The following RHOT1 variants were observed in gnomAD, a reference collection of about 807,000 sequenced individuals.
RHOT1 encodes the protein mitochondrial Rho GTPase 1.
RHOT1 carries 27 observed loss-of-function variants against 95.3 expected under a neutral mutation model. The observed-to-expected ratio is 0.28, with a 90% confidence interval of 0.21 to 0.39. The LOEUF (loss-of-function observed/expected upper bound fraction) is 0.39, where lower values mean the gene tolerates loss of function less well. Ranked by LOEUF, RHOT1 falls within the 10% of genes least tolerant of loss-of-function variation. RHOT1 has a pLI of 1.00. For synonymous variants in RHOT1, 227 were observed against 263.5 expected, an observed-to-expected ratio of 0.86 and a Z score of 1.34; for missense variants, 578 against 786.7, an observed-to-expected ratio of 0.73 and a Z score of 3.17.
chr17:32,219,080 AT>A (rs1157431272), intron 19 of RHOT1, among the ~76,000 whole-genome samples: 1 of 152,148 alleles, frequency 6.6e-6, no homozygotes, highest in African/African-American at 2.4e-5. Context: ...TCTTAGTTGT[AT>A]TTTGGAAAGA....
At chr17:32,204,473 C>T (rs1598434954) in intron 16 of RHOT1, among the ~76,000 whole-genome samples, 1 of 149,314 alleles carries the variant, frequency 6.7e-6, no homozygotes. Flanking sequence ...TCGCTTGAAC[C>T]CAGGAGGTGG....
rs1485362280 is a variant in RHOT1, at chr17:32,203,269, C to CTTCTTCTTTT, written c.1332+371_1332+372insCTTCTTTTTT. 1.4e-4 allele frequency among the ~76,000 whole-genome samples: 10 copies of CTTCTTCTTTT among 72,336 alleles called. 1 individual carries two copies. Among genetic ancestry groups the CTTCTTCTTTT allele is most frequent in the Admixed American group, 5.3e-4 (3 of 5,638 alleles). 47.5% of individuals were successfully genotyped at this position (72,336 alleles called of 152,430 possible). A position where few individuals can be genotyped will look rare whatever the true frequency, so the allele number is the denominator to read the frequency against. On this transcript the variant is annotated intron_variant, in intron 15 of 19. Transcript: ENST00000545287. Reference sequence around the variant, plus strand: ...ACATATTTCTTTTCTTCTTCTTCTTCTTTTTTTTTTTTTTTTTTTTTTTTG... The same window carrying CTTCTTCTTTT: ...ACATATTTCTTTTCTTCTTCTTCTTCTTCTTCTTTTTTTTTTTTTTTTTTTTTTTTTTTTG...
chr17:32,182,827 A>G lies in RHOT1; in HGVS notation c.400A>G (p.Ile134Val), dbSNP rs752808849. Residue 134 changes from isoleucine (I) to valine (V), a missense_variant, in exon 7 of 20, where the codon ATT becomes GTT. Physicochemically the swap from Ile to Val is conservative, Grantham distance 29 (BLOSUM62 3). Around this residue, in one of 4 missense-constraint regions of RHOT1, gnomAD observed 227 missense variants for 316.0 expected, o/e 0.72. Coordinates refer to ENST00000545287, the MANE Select transcript of RHOT1 (RefSeq NM_001033566.3). Reference sequence around the variant, plus strand: ...TAGTAGTATGGAGACCATCCTTCCTATTATGAACCAGTATACAGAAATAGA... The same window carrying G: ...TAGTAGTATGGAGACCATCCTTCCTGTTATGAACCAGTATACAGAAATAGA... The part of the protein sequence containing the change: ...EYSSMETILP[I>V]MNQYTEIETC... The G allele has an allele frequency of 1.2e-6, 2 of 1,602,302 alleles. No individual in the cohort carries two copies. The highest frequency in any genetic ancestry group is 1.1e-5 in the South Asian group (1 of 89,764).
At chr17:32,202,573 C>T (rs1036286957) in intron 14 of RHOT1, among the ~76,000 whole-genome samples, 197 bp from the exon 15 acceptor site, 3 of 151,950 alleles carry the variant, frequency 2.0e-5, no homozygotes, top group African/African-American at 7.3e-5. Flanking sequence ...GCATTTTTTC[C>T]ACTAACTGGG....
chr17:32,197,463 C>T (rs891763732), intron 11 of RHOT1, among the ~76,000 whole-genome samples: 3 of 151,294 alleles, frequency 2.0e-5, no homozygotes, highest in Admixed American at 6.6e-5. Flanking sequence ...CTCGCTCTGT[C>T]GCCCAGGCTG....
chr17:32,149,585 G>C (rs1199905759), intron 1 of RHOT1, among the ~76,000 whole-genome samples: 1 of 93,438 alleles, frequency 1.1e-5, no homozygotes, highest in Non-Finnish European at 2.1e-5. Flanking sequence ...CTTGAGCCCA[G>C]CAGTTCTATA....
intron 1 of RHOT1, among the ~76,000 whole-genome samples, chr17:32,146,593 C>G (rs185397279): frequency 0.049 from 7,385 of 149,978 alleles, 233 homozygotes; most frequent in Non-Finnish European, 0.072. Flanking sequence ...CTACAGGTGC[C>G]CACCACCACG....
chr17:32,146,857 G>T (rs2031424273), intron 1 of RHOT1, among the ~76,000 whole-genome samples: 1 of 151,068 alleles, frequency 6.6e-6, no homozygotes, highest in Non-Finnish European at 1.5e-5. Flanking sequence ...CAAGTAGCTG[G>T]GATGACAGGC....
chr17:32,143,712 G>A (rs1390914756), intron 1 of RHOT1, among the ~76,000 whole-genome samples: 6 of 152,152 alleles, frequency 3.9e-5, no homozygotes, highest in African/African-American at 1.4e-4. Context: ...CAGTTGCTAG[G>A]ACTAAAATAA....
chr17:32,193,277 C>A, intron 10 of RHOT1, 33 bp downstream of exon 10: 1 of 1,425,592 alleles, frequency 7.0e-7, no homozygotes, highest in Non-Finnish European at 9.9e-7. Context: ...CCTTTTGAAA[C>A]TTAATATTTT....
chr17:32,203,581 G>A (rs1412748877), intron 15 of RHOT1, among the ~76,000 whole-genome samples: 2 of 152,062 alleles, frequency 1.3e-5, no homozygotes, highest in African/African-American at 4.8e-5. Flanking sequence ...TATTAATCTC[G>A]ATCAGACCAA....
chr17:32,179,809 C>T (rs2035445446), intron 6 of RHOT1: 1 of 147,708 alleles, frequency 6.8e-6, no homozygotes, highest in African/African-American at 2.6e-5. Flanking sequence ...TGGGGAGCGC[C>T]TCTGCCTGGC....
At chr17:32,189,276 G>A (rs550559027) in intron 8 of RHOT1, among the ~76,000 whole-genome samples, 105 of 152,218 alleles carry the variant, frequency 6.9e-4, no homozygotes, top group Middle Eastern at 3.4e-3. Context: ...TCCAGCCTGG[G>A]CGACAGAGCG....
rs551151153 is a variant in RHOT1, at chr17:32,214,894, CTTTTTTTTTTTTTTTT to C, written c.1862+3671_1862+3686del. The stretch of plus-strand genomic sequence containing the variant: ...GAAAGAGCAGTTCTAAAAGGCTTGT[CTTTTTTTTTTTTTTTT>C]TTTTTTTTTTTTTTGAGATGGAGTC... On this transcript the variant is annotated intron_variant, in intron 19 of 19. Coordinates refer to ENST00000545287, the MANE Select transcript of RHOT1 (RefSeq NM_001033566.3). Among the ~76,000 whole-genome samples, 30 of 52,834 alleles carry C rather than the reference CTTTTTTTTTTTTTTTT, an allele frequency of 5.7e-4. No homozygotes were observed. In the East Asian group the frequency reaches 9.1e-3, roughly 16 times the overall value. The allele number at this position is 52,834 out of a possible 152,430, so 34.7% of individuals were successfully genotyped here. A position where few individuals can be genotyped will look rare whatever the true frequency, so the allele number is the denominator to read the frequency against.
At chr17:32,223,171 G>A (rs953733676) in intron 19 of RHOT1, among the ~76,000 whole-genome samples, 2 of 151,914 alleles carry the variant, frequency 1.3e-5, no homozygotes, top group African/African-American at 4.8e-5. Context: ...GGCTTGTGTT[G>A]TAGACTTTTG....
intron 2 of RHOT1, among the ~76,000 whole-genome samples, chr17:32,172,004 G>A (rs1384212087): frequency 6.6e-6 from 1 of 152,196 alleles, no homozygotes; most frequent in Non-Finnish European, 1.5e-5. Context: ...TTAGCATATA[G>A]TTATAGGGAA....
chr17:32,151,178 T>C lies in RHOT1; in HGVS notation c.37+8449T>C, dbSNP rs530334016. 1.3e-5 allele frequency: 10 copies of C among 775,842 alleles called. 1 individual carries two copies. The South Asian group carries it at 1.3e-4, about 10-fold the overall frequency. 48.1% of individuals were successfully genotyped at this position (775,842 alleles called of 1,614,324 possible). On this transcript the variant is annotated intron_variant, in intron 1 of 19. Coordinates refer to ENST00000545287, the MANE Select transcript of RHOT1 (RefSeq NM_001033566.3). ...TGGTAGGTTGAGTTTCAAAGCTAGT[T>C]TCTCCTGAAGATTTCTGTCTGGGAA... is the stretch of plus-strand genomic sequence containing the variant.
chr17:32,216,260 T>C (rs2142938889), intron 19 of RHOT1, among the ~76,000 whole-genome samples: 1 of 152,266 alleles, frequency 6.6e-6, no homozygotes, highest in East Asian at 1.9e-4. Flanking sequence ...CATTTTTTGA[T>C]ACTCTCAATC....
chr17:32,146,296 C>G (rs576089722), intron 1 of RHOT1, among the ~76,000 whole-genome samples: 17 of 152,244 alleles, frequency 1.1e-4, no homozygotes, highest in African/African-American at 4.1e-4. Context: ...GTGGCTAGAA[C>G]AGACCTGGCA....
Sources: gnomAD v4.1 joint callset for allele counts (sites outside exome capture counted in the v4.1 genomes callset) on GRCh38, gnomAD v4.1.1 for gene constraint, gnomAD v4.1.1 regional missense constraint, MANE v1.5 for transcripts, NCBI Gene and HGNC (gene_info 2026-07-23, HGNC 2026-07-21) for gene names.